The following AGBL1 variants were observed in gnomAD, a reference collection of about 807,000 sequenced individuals.
AGBL1 encodes cytosolic carboxypeptidase 4.
Under a neutral mutation model 118.9 loss-of-function variants are expected in AGBL1, and 130 were observed. That is an observed-to-expected ratio of 1.09 (90% confidence interval 0.95 to 1.26). The LOEUF (loss-of-function observed/expected upper bound fraction) is 1.26. Among genes scored for constraint, AGBL1 ranks in the 50% most tolerant of loss-of-function variants. AGBL1 has a pLI of 0.00. For synonymous variants in AGBL1, 555 were observed against 478.9 expected (o/e 1.16, Z -2.08); for missense variants, 1,584 against 1,298.1 (o/e 1.22, Z -3.38).
rs541034538 is a variant in AGBL1 at position 86,214,879 on chromosome 15, C to T, written c.489-10035C>T. On this transcript the variant is annotated intron_variant, in intron 5 of 22. Coordinates refer to ENST00000614907, the MANE Select transcript of AGBL1 (RefSeq NM_001386094.1). Reference sequence around the variant, plus strand: ...CACACTCCCTGCTGAGTGTTCGTAACCAAACCAGTCTGAGATCTGGGTTTC... The same window carrying T: ...CACACTCCCTGCTGAGTGTTCGTAATCAAACCAGTCTGAGATCTGGGTTTC... Among the ~76,000 whole-genome samples the T allele has an allele frequency of 2.0e-5, 3 of 152,308 alleles. No individual in the cohort carries two copies. In the South Asian group the frequency reaches 6.2e-4, roughly 32 times the overall value.
rs190887473 is a variant in AGBL1, at chr15:86,613,752, A to G, written c.2994+59215A>G. ...GGATCTTCAGAACAGCATCATCTCC[A>G]TCACCAGGGAGCTTGTTAGAAATGC... On this transcript the variant is annotated intron_variant, in intron 21 of 22. Coordinates refer to ENST00000614907, the MANE Select transcript of AGBL1 (RefSeq NM_001386094.1). The surrounding 1 kb of genome is among the most constrained non-coding windows in gnomAD (Gnocchi z 4.2). 3.7e-4 allele frequency among the ~76,000 whole-genome samples: 57 copies of G among 152,286 alleles called. No homozygotes were observed. Among genetic ancestry groups the G allele is most frequent in the Non-Finnish European group, 7.2e-4 (49 of 68,006 alleles).
In AGBL1 at chr15:86,119,540, G is replaced by GC. The variant is rs910741978; in HGVS notation, c.52-22457dup. Among the ~76,000 whole-genome samples the GC allele has an allele frequency of 8.6e-5, 13 of 152,020 alleles. No homozygotes were observed. The East Asian group carries it at 9.7e-4, about 11-fold the overall frequency. The stretch of plus-strand genomic sequence containing the variant: ...CTGATTGGCCCAGCTTAAATGATCT[G>GC]CCCCCCCGGACCCATCAACTGGGGC... On this transcript the variant is annotated intron_variant, in intron 1 of 22. Coordinates refer to ENST00000614907, the MANE Select transcript of AGBL1 (RefSeq NM_001386094.1).
At chr15:86,917,637 T>C (rs2080440301), downstream of AGBL1, among the ~76,000 whole-genome samples, 1 of 152,156 alleles carries the variant, frequency 6.6e-6, no homozygotes. The surrounding 1 kb of genome is among the most constrained non-coding windows in gnomAD (Gnocchi z 4.8). Flanking sequence ...TTCAAAGCAG[T>C]TGGAGACTTC....
chr15:86,789,553 T>C (rs1177877989), intron 22 of AGBL1, among the ~76,000 whole-genome samples: 2 of 152,130 alleles, frequency 1.3e-5, no homozygotes, highest in East Asian at 1.9e-4. Context: ...AGGTGAGTAA[T>C]GAGCCTTTAA....
rs1469095617 is a variant in AGBL1 at position 86,530,004 on chromosome 15, A to T, written c.2685+7065A>T. On this transcript the variant is annotated intron_variant, in intron 19 of 22. Coordinates refer to ENST00000614907, the MANE Select transcript of AGBL1 (RefSeq NM_001386094.1). ...AACCGGTACCAGCCGCTGCAAAATC[A>T]TGCCAAAATGTAAAGACCATCGAGA... is the stretch of plus-strand genomic sequence containing the variant. Among the ~76,000 whole-genome samples, 201 of 136,342 alleles carry T rather than the reference A, an allele frequency of 1.5e-3. 1 individual carries two copies. The highest frequency in any genetic ancestry group is 5.9e-3 in the African/African-American group (184 of 31,202). 89.4% of individuals were successfully genotyped at this position (136,342 alleles called of 152,430 possible). A position where few individuals can be genotyped will look rare whatever the true frequency, so the allele number is the denominator to read the frequency against.
intron 1 of AGBL1, among the ~76,000 whole-genome samples, chr15:86,095,416 C>T (rs1896298448): frequency 6.6e-6 from 1 of 152,042 alleles, no homozygotes; most frequent in Admixed American, 6.6e-5. Flanking sequence ...TGTCTAGGGT[C>T]CTCCAGTCAC....
intron 21 of AGBL1, among the ~76,000 whole-genome samples, chr15:86,671,848 G>T (rs1210226512): frequency 6.6e-6 from 1 of 152,134 alleles, no homozygotes; most frequent in East Asian, 1.9e-4. Flanking sequence ...ATCACATACT[G>T]AGGATATGAC....
chr15:86,948,702 T>C (rs1200286123), intron 23 of AGBL1, among the ~76,000 whole-genome samples: 2 of 152,250 alleles, frequency 1.3e-5, no homozygotes, highest in East Asian at 3.8e-4. Context: ...ACAAGATGTC[T>C]TAGCTAGTAT....
At chr15:86,770,355 C>T (rs868060033) in intron 22 of AGBL1, among the ~76,000 whole-genome samples, 2 of 151,796 alleles carry the variant, frequency 1.3e-5, no homozygotes, top group Admixed American at 6.6e-5. Context: ...TGTCTGGACA[C>T]GGTTTTTTTA....
intron 18 of AGBL1, among the ~76,000 whole-genome samples, chr15:86,454,704 T>G (rs2082239031): frequency 6.6e-6 from 1 of 152,132 alleles, no homozygotes. Flanking sequence ...AAAACTAAAC[T>G]AAACTGATGG....
intron 23 of AGBL1, among the ~76,000 whole-genome samples, chr15:86,969,870 G>C (rs931996652): frequency 2.6e-5 from 4 of 151,876 alleles, no homozygotes; most frequent in Admixed American, 2.6e-4. Context: ...ACCTCACTGA[G>C]GAATGTGGGA....
chr15:86,180,421 G>A (rs1029166757), intron 5 of AGBL1, among the ~76,000 whole-genome samples: 20 of 152,042 alleles, frequency 1.3e-4, no homozygotes, highest in Admixed American at 3.3e-4. Context: ...CAAATTTCAC[G>A]GAGGAATAAT....
At chr15:86,650,639 G>A (rs1019552458) in intron 21 of AGBL1, among the ~76,000 whole-genome samples, 3 of 151,954 alleles carry the variant, frequency 2.0e-5, no homozygotes, top group African/African-American at 7.3e-5. Flanking sequence ...ACTTTAAAAA[G>A]GACAAAGAAA....
At chr15:86,999,191 T>A (rs2081409715) in intron 24 of AGBL1, among the ~76,000 whole-genome samples, 1 of 149,304 alleles carries the variant, frequency 6.7e-6, no homozygotes, top group Non-Finnish European at 1.5e-5. Context: ...AACTCATCAT[T>A]TTTTTAATAT....
chr15:86,918,751 A>C (rs2080455511), downstream of AGBL1, among the ~76,000 whole-genome samples: 1 of 152,228 alleles, frequency 6.6e-6, no homozygotes, highest in Non-Finnish European at 1.5e-5. Flanking sequence ...GAAATACGTG[A>C]AGCACACTAT....
intron 23 of AGBL1, among the ~76,000 whole-genome samples, chr15:86,948,630 A>G (rs1233342004): frequency 6.6e-6 from 1 of 152,226 alleles, no homozygotes; most frequent in African/African-American, 2.4e-5. Flanking sequence ...AATGCGTGTG[A>G]TGAGTATGTC....
chr15:86,992,946 T>A (rs992418949), intron 24 of AGBL1, among the ~76,000 whole-genome samples: 2 of 152,144 alleles, frequency 1.3e-5, no homozygotes, highest in Admixed American at 6.6e-5. Context: ...GACATGAGCA[T>A]CCCTAAAATA....
rs1279772213 is a variant in AGBL1 at position 86,912,849 on chromosome 15, T to C, written c.*5555T>C. 2 of 152,284 alleles carry C rather than the reference T, an allele frequency of 1.3e-5. No individual in the cohort carries two copies. Among genetic ancestry groups the C allele is most frequent in the East Asian group, 3.9e-4 (2 of 5,136 alleles). The allele number at this position is 152,284 out of a possible 1,614,324, so 9.4% of individuals were successfully genotyped here. A position where few individuals can be genotyped will look rare whatever the true frequency, so the allele number is the denominator to read the frequency against. Reference sequence around the variant, plus strand: ...CAGCTCACCCCAGCTCCCCAAACTCTCTAGTCTTGGAAAGACATGCATAGT... The same window carrying C: ...CAGCTCACCCCAGCTCCCCAAACTCCCTAGTCTTGGAAAGACATGCATAGT... On this transcript the variant is annotated 3_prime_UTR_variant, in exon 23 of 23. Coordinates refer to ENST00000614907, the MANE Select transcript of AGBL1 (RefSeq NM_001386094.1).
chr15:86,208,546 G>A (rs983887329), intron 5 of AGBL1, among the ~76,000 whole-genome samples: 8 of 152,138 alleles, frequency 5.3e-5, no homozygotes, highest in East Asian at 1.9e-4. Flanking sequence ...ATTTAGTCTT[G>A]GGAGGGTGCA....
Sources: allele counts gnomAD v4.1 joint callset (sites outside exome capture counted in the v4.1 genomes callset), GRCh38; gene constraint gnomAD v4.1.1; non-coding constraint Gnocchi (gnomAD v3.1); transcripts MANE v1.5; gene names NCBI Gene and HGNC (gene_info 2026-07-23, HGNC 2026-07-21).